The following ZDHHC20 variants were observed in gnomAD, a reference collection of about 807,000 sequenced individuals.
The protein encoded by ZDHHC20 is palmitoyltransferase ZDHHC20.
In ZDHHC20, 43 loss-of-function variants were observed where a neutral mutation model predicts 57.8. The observed-to-expected ratio is 0.74, with a 90% CI of 0.58 to 0.96. The LOEUF (loss-of-function observed/expected upper bound fraction) is 0.96, where lower values mean the gene tolerates loss of function less well. Ranked by LOEUF, ZDHHC20 falls within the 40% of genes least tolerant of loss-of-function variation. The pLI is 0.00. For missense variants in ZDHHC20, 391 were observed against 441.1 expected, an observed-to-expected ratio of 0.89 and a Z score of 1.02; for synonymous variants, 157 against 153.0, an observed-to-expected ratio of 1.03 and a Z score of -0.19.
intron 1 of ZDHHC20, among the ~76,000 whole-genome samples, chr13:21,428,663 A>G (rs1410338942): frequency 6.6e-6 from 1 of 151,472 alleles, no homozygotes; most frequent in Non-Finnish European, 1.5e-5. Context: ...GTTCAAGACC[A>G]GCCTGGCCAA....
rs575812382 is a variant in ZDHHC20 at position 21,427,132 on chromosome 13, C to T, written c.119-1454G>A. On this transcript the variant is annotated intron_variant, in intron 1 of 12. Coordinates refer to ENST00000400590, the MANE Select transcript of ZDHHC20 (RefSeq NM_001330059.2). ...ACTGATCACTCTTCCATCTTTACCA[C>T]ACCATCTCATTTTTCTTTTTTTCTT... Among the ~76,000 whole-genome samples the T allele has an allele frequency of 4.6e-5, 7 of 152,310 alleles. No individual in the cohort carries two copies. In the South Asian group the frequency reaches 1.4e-3, roughly 32 times the overall value.
At chr13:21,385,843 A>G (rs1323574420) in intron 9 of ZDHHC20, among the ~76,000 whole-genome samples, 1 of 152,240 alleles carries the variant, frequency 6.6e-6, no homozygotes, top group Non-Finnish European at 1.5e-5. Context: ...ATAAACTCTT[A>G]AAAGTAGCTA....
chr13:21,414,447 G>A (rs555963516), intron 3 of ZDHHC20, among the ~76,000 whole-genome samples: 8 of 150,156 alleles, frequency 5.3e-5, no homozygotes, highest in East Asian at 2.0e-4. Context: ...TGCAAGCTCC[G>A]CCTCCCGGGT....
chr13:21,383,480 C>T (rs898238785), intron 9 of ZDHHC20, among the ~76,000 whole-genome samples: 4 of 151,700 alleles, frequency 2.6e-5, no homozygotes, highest in African/African-American at 7.3e-5. Context: ...TACCCAGTTT[C>T]GGGTATGTCT....
At chr13:21,449,374 C>CGATT (rs1417290459) in intron 1 of ZDHHC20, among the ~76,000 whole-genome samples, 1 of 152,128 alleles carries the variant, frequency 6.6e-6, no homozygotes, top group African/African-American at 2.4e-5. Context: ...AGTCTAAAAT[C>CGATT]GCCTTGTTCA....
At position 21,375,091 on chromosome 13, in the gene ZDHHC20, G is replaced by A. The variant is rs748514388; in HGVS notation, c.*1605C>T. On this transcript the variant is annotated 3_prime_UTR_variant, in exon 13 of 13. Transcript: ENST00000400590. ...AGAGGTTGCAGCGAGCCAAGATCCC[G>A]CCACTGCACTCCTGCCTGGGAGACA... 22 of 454,996 alleles carry A rather than the reference G, an allele frequency of 4.8e-5. 1 individual carries two copies. The highest frequency in any genetic ancestry group is 2.0e-4 in the African/African-American group (10 of 50,030). The allele number at this position is 454,996 out of a possible 1,614,324, so 28.2% of individuals were successfully genotyped here. A position where few individuals can be genotyped will look rare whatever the true frequency, so the allele number is the denominator to read the frequency against.
chr13:21,407,436 A>G (rs1370662631), intron 4 of ZDHHC20, among the ~76,000 whole-genome samples: 1 of 152,206 alleles, frequency 6.6e-6, no homozygotes, highest in African/African-American at 2.4e-5. Context: ...CTTCTTTTGA[A>G]AAGTGTCTGT....
chr13:21,424,848 T>C (rs1881075153), intron 2 of ZDHHC20, among the ~76,000 whole-genome samples: 2 of 152,252 alleles, frequency 1.3e-5, no homozygotes, highest in South Asian at 4.1e-4. Context: ...GGAAACATTT[T>C]TGATTTAAAG....
At chr13:21,402,965 T>A in intron 4 of ZDHHC20, 99 bp from the exon 5 acceptor site, 2 of 834,790 alleles carry the variant, frequency 2.4e-6, no homozygotes, top group Non-Finnish European at 3.9e-6. Flanking sequence ...TCTGGGTAAT[T>A]GATAACTAAT....
At chr13:21,442,540 G>A (rs1883284031) in intron 1 of ZDHHC20, among the ~76,000 whole-genome samples, 1 of 152,128 alleles carries the variant, frequency 6.6e-6, no homozygotes, top group East Asian at 1.9e-4. Flanking sequence ...GGATCACTTG[G>A]GGTCAGGAGT....
chr13:21,412,967 C>CAAAAAAAA (rs60707653), intron 4 of ZDHHC20, among the ~76,000 whole-genome samples: 1 of 67,098 alleles, frequency 1.5e-5, no homozygotes, highest in African/African-American at 6.2e-5. Context: ...GACTCCGTCT[C>CAAAAAAAA]AAAAAAAAAA....
At chr13:21,411,000 G>A (rs1403398713) in intron 4 of ZDHHC20, among the ~76,000 whole-genome samples, 7 of 152,232 alleles carry the variant, frequency 4.6e-5, no homozygotes, top group Admixed American at 2.0e-4. Context: ...GTAGGCACCC[G>A]AGGGAATCTC....
At chr13:21,420,793 C>T (rs1880558849) in intron 3 of ZDHHC20, among the ~76,000 whole-genome samples, 1 of 152,082 alleles carries the variant, frequency 6.6e-6, no homozygotes, top group Non-Finnish European at 1.5e-5. Context: ...CTTTTTATTC[C>T]AGTAATATAA....
chr13:21,412,967 C>CAAAAAAAAA (rs60707653), intron 4 of ZDHHC20, among the ~76,000 whole-genome samples: 2 of 67,100 alleles, frequency 3.0e-5, no homozygotes, highest in African/African-American at 6.2e-5. Flanking sequence ...GACTCCGTCT[C>CAAAAAAAAA]AAAAAAAAAA....
intron 1 of ZDHHC20, among the ~76,000 whole-genome samples, chr13:21,442,215 T>C (rs1464956167): frequency 6.6e-6 from 1 of 152,188 alleles, no homozygotes; most frequent in Non-Finnish European, 1.5e-5. Context: ...CAGCCTAGCT[T>C]GTATATCTAT....
At chr13:21,413,484 ATTTCTG>A (rs1879509781) in intron 4 of ZDHHC20, among the ~76,000 whole-genome samples, 162 bp downstream of exon 4, 1 of 96,012 alleles carries the variant, frequency 1.0e-5, no homozygotes, top group Non-Finnish European at 2.2e-5. Context: ...TTATATATCT[ATTTCTG>A]CATCTGAAAT....
chr13:21,448,191 G>GT (rs1491377379), intron 1 of ZDHHC20, among the ~76,000 whole-genome samples: 1 of 52,778 alleles, frequency 1.9e-5, no homozygotes, highest in Non-Finnish European at 4.8e-5. Flanking sequence ...GGAGGGAGGT[G>GT]GGGGGGGTCA....
At chr13:21,420,659 C>A (rs975097672) in intron 3 of ZDHHC20, among the ~76,000 whole-genome samples, 3 of 152,304 alleles carry the variant, frequency 2.0e-5, no homozygotes, top group South Asian at 2.1e-4. Flanking sequence ...ATAGCCTAGA[C>A]AATTTGTTTC....
At chr13:21,424,890 C>G (rs538438355) in intron 2 of ZDHHC20, among the ~76,000 whole-genome samples, 2 of 151,980 alleles carry the variant, frequency 1.3e-5, no homozygotes, top group African/African-American at 2.4e-5. Flanking sequence ...ATTGAGTCTG[C>G]GTTTATTCTG....
Sources: gnomAD v4.1 joint callset for allele counts (sites outside exome capture counted in the v4.1 genomes callset) on GRCh38, gnomAD v4.1.1 for gene constraint, MANE v1.5 for transcripts, NCBI Gene and HGNC (gene_info 2026-07-23, HGNC 2026-07-21) for gene names.